CEP63: variants seen among roughly 807,000 people sequenced by gnomAD.
The protein encoded by CEP63 is centrosomal protein of 63 kDa.
CEP63 carries 84 observed loss-of-function variants against 89.1 expected under a neutral mutation model. The ratio of observed to expected loss-of-function variants is 0.94; its 90% CI spans 0.79 to 1.13. CEP63 has a LOEUF of 1.13. CEP63 is among the 50% of genes most tolerant of loss of function. The pLI is 0.00. For synonymous variants in CEP63, 267 were observed against 272.5 expected (o/e 0.98, Z 0.20); for missense variants, 838 against 813.3 (o/e 1.03, Z -0.37).
the CEP63 span, among the ~76,000 whole-genome samples, chr3:134,718,007 T>A: frequency 6.6e-6 from 1 of 152,326 alleles, no homozygotes; most frequent in South Asian, 2.1e-4. Flanking sequence ...AGGTTACTTT[T>A]TCTTTGGAGA....
At chr3:134,608,490 TCCA>T in the CEP63 span, 1 of 1,545,576 alleles carries the variant, frequency 6.5e-7, no homozygotes, top group South Asian at 1.2e-5. Flanking sequence ...CTCAGCAGCC[TCCA>T]CTCATCCACA....
the CEP63 span, among the ~76,000 whole-genome samples, chr3:134,682,605 T>A: frequency 3.2e-4 from 48 of 152,326 alleles, no homozygotes; most frequent in African/African-American, 1.1e-3. Flanking sequence ...TTGAATACTT[T>A]CTGCTTTAAT....
chr3:134,762,522 A>T, the CEP63 span, among the ~76,000 whole-genome samples: 3 of 152,146 alleles, frequency 2.0e-5, no homozygotes, highest in Non-Finnish European at 4.4e-5. Flanking sequence ...TCAAGTTAAA[A>T]TGAGTTCACT....
chr3:134,586,111 C>T (rs377666102), intron 10 of CEP63, among the ~76,000 whole-genome samples: 2 of 152,010 alleles, frequency 1.3e-5, no homozygotes, highest in South Asian at 2.1e-4. Flanking sequence ...AGATGGATCT[C>T]CTGAATACAG....
At chr3:134,768,868 C>G in the CEP63 span, among the ~76,000 whole-genome samples, 1 of 152,020 alleles carries the variant, frequency 6.6e-6, no homozygotes, top group African/African-American at 2.4e-5. Flanking sequence ...CACATGAGCT[C>G]CTCCATAGCA....
intron 3 of CEP63, among the ~76,000 whole-genome samples, chr3:134,525,312 A>G (rs1410875759): frequency 7.2e-5 from 11 of 152,016 alleles, no homozygotes; most frequent in Non-Finnish European, 2.9e-5. Context: ...AATTTTTTCA[A>G]GAAATCAGCT....
chr3:134,607,163 A>G, the CEP63 span: 1 of 985,344 alleles, frequency 1.0e-6, no homozygotes, highest in Non-Finnish European at 1.2e-6. Context: ...CCTATGATAC[A>G]TTGAACAAGC....
chr3:134,531,728 TATGC>T, intron 3 of CEP63, 113 bp from the exon 4 acceptor site: 1 of 771,452 alleles, frequency 1.3e-6, no homozygotes, highest in South Asian at 1.5e-5. Flanking sequence ...TCACCATATA[TATGC>T]ATTTGAGAAC....
intron 3 of CEP63, among the ~76,000 whole-genome samples, chr3:134,529,868 ATTTTTTT>A (rs58922185): frequency 2.4e-4 from 25 of 103,156 alleles, no homozygotes; most frequent in Non-Finnish European, 3.9e-4. Context: ...AGGTTAAGAA[ATTTTTTT>A]TTTTTTTTTT....
chr3:134,747,738 C>T, the CEP63 span, among the ~76,000 whole-genome samples: 1,848 of 152,296 alleles, frequency 0.012, 44 homozygotes, highest in African/African-American at 0.042. Flanking sequence ...CATATCAGCC[C>T]TTAATCTATG....
the CEP63 span, among the ~76,000 whole-genome samples, chr3:134,740,901 A>T: frequency 6.6e-6 from 1 of 152,136 alleles, no homozygotes; most frequent in East Asian, 1.9e-4. Context: ...AATATTTGAC[A>T]ACATCTTCCA....
the CEP63 span, among the ~76,000 whole-genome samples, chr3:134,659,003 T>C: frequency 6.6e-6 from 1 of 152,210 alleles, no homozygotes; most frequent in Non-Finnish European, 1.5e-5. Flanking sequence ...TGTCCAGAGC[T>C]CATTAAAATC....
the CEP63 span, among the ~76,000 whole-genome samples, chr3:134,655,023 C>T: frequency 6.6e-6 from 1 of 152,204 alleles, no homozygotes; most frequent in Non-Finnish European, 1.5e-5. Flanking sequence ...GACACTGTCT[C>T]CCAGTAGGGT....
the CEP63 span, among the ~76,000 whole-genome samples, chr3:134,688,304 G>T: frequency 1.3e-5 from 2 of 152,188 alleles, no homozygotes; most frequent in Admixed American, 6.5e-5. Context: ...TATATTGTAC[G>T]ATTCCATCTA....
the CEP63 span, among the ~76,000 whole-genome samples, chr3:134,773,975 A>G: frequency 2.6e-5 from 4 of 152,116 alleles, no homozygotes; most frequent in Non-Finnish European, 4.4e-5. Context: ...GCATGTCACC[A>G]TTTTCCCAGT....
At chr3:134,605,509 C>T in the CEP63 span, among the ~76,000 whole-genome samples, 3 of 152,264 alleles carry the variant, frequency 2.0e-5, no homozygotes, top group South Asian at 6.2e-4. Context: ...CATTCCATGC[C>T]AACTCCCACC....
chr3:134,687,101 A>G, the CEP63 span, among the ~76,000 whole-genome samples: 3 of 152,116 alleles, frequency 2.0e-5, no homozygotes, highest in Admixed American at 6.5e-5. Flanking sequence ...AAGACCCACA[A>G]TGGTCCTACA....
the CEP63 span, among the ~76,000 whole-genome samples, chr3:134,702,386 C>CA: frequency 0.035 from 4,615 of 130,698 alleles, 168 homozygotes; most frequent in African/African-American, 0.11. Flanking sequence ...TATGTGGAAC[C>CA]AAAAAAAAAA....
At position 134,558,145 on chromosome 3, in the gene CEP63, A is replaced by G. The variant is rs1956618556; in HGVS notation, c.1471A>G (p.Lys491Glu). ...MKLELGLHEA[K>E]EISLADLQEN... ...CTCTAGTATTCTTTTTTATTAGGCA[A>G]AAGAGATTTCACTAGCAGACCTCCA... Residue 491 changes from lysine (K) to glutamate (E), a missense_variant, in exon 13 of 15, where the codon AAA becomes GAA. Coordinates refer to ENST00000675561, the MANE Select transcript of CEP63 (RefSeq NM_001353108.3). 2 of 1,612,346 alleles carry G rather than the reference A, an allele frequency of 1.2e-6. No individual in the cohort carries two copies.
Sources: gnomAD v4.1 joint callset for allele counts (sites outside exome capture counted in the v4.1 genomes callset) on GRCh38, gnomAD v4.1.1 for gene constraint, MANE v1.5 for transcripts, NCBI Gene and HGNC (gene_info 2026-07-23, HGNC 2026-07-21) for gene names.